PCTP: variants seen among roughly 807,000 people sequenced by gnomAD.
PCTP encodes the protein phosphatidylcholine transfer protein.
Under a neutral mutation model 31.0 loss-of-function variants are expected in PCTP, and 27 were observed. That is an observed-to-expected ratio of 0.87 (90% CI 0.64 to 1.20). The LOEUF (loss-of-function observed/expected upper bound fraction) is 1.20, where lower values mean the gene tolerates loss of function less well. PCTP is among the 50% of genes most tolerant of loss of function. PCTP has a pLI of 0.00. For synonymous variants in PCTP, 108 were observed against 101.2 expected (o/e 1.07, Z -0.40); for missense variants, 287 against 268.2 (o/e 1.07, Z -0.49).
chr17:55,840,431 A>G (rs1905937095), intron 5 of PCTP, among the ~76,000 whole-genome samples: 1 of 152,232 alleles, frequency 6.6e-6, no homozygotes, highest in Non-Finnish European at 1.5e-5. Context: ...CCATGTAGAT[A>G]ATTAATCCAA....
chr17:55,784,823 A>T (rs972664257), intron 2 of PCTP, among the ~76,000 whole-genome samples: 1 of 152,246 alleles, frequency 6.6e-6, no homozygotes, highest in Non-Finnish European at 1.5e-5. Flanking sequence ...ATTCCATATT[A>T]CTTACGATCT....
chr17:55,845,079 C>G (rs1420282170), downstream of PCTP, among the ~76,000 whole-genome samples: 1 of 75,484 alleles, frequency 1.3e-5, no homozygotes, highest in Non-Finnish European at 2.8e-5. Context: ...AAGGCCAAAA[C>G]TCCATCAAAA....
chr17:55,754,361 G>C (rs1909879109), intron 1 of PCTP, among the ~76,000 whole-genome samples: 1 of 152,168 alleles, frequency 6.6e-6, no homozygotes, highest in South Asian at 2.1e-4. Flanking sequence ...GGAAACACTT[G>C]CTTTCATTTA....
chr17:55,832,155 C>T (rs1300026667), intron 5 of PCTP, among the ~76,000 whole-genome samples: 1 of 152,174 alleles, frequency 6.6e-6, no homozygotes, highest in Non-Finnish European at 1.5e-5. Context: ...TCTCTCCTTT[C>T]TGCACACCAC....
chr17:55,824,059 C>T (rs113092702), downstream of PCTP, among the ~76,000 whole-genome samples: 5,983 of 152,204 alleles, frequency 0.039, 376 homozygotes, highest in African/African-American at 0.13. Flanking sequence ...GGACTAAGTT[C>T]GGGTGGTAGC....
chr17:55,796,126 G>A (rs2145015242), intron 3 of PCTP, among the ~76,000 whole-genome samples: 1 of 152,072 alleles, frequency 6.6e-6, no homozygotes, highest in Admixed American at 6.6e-5. Context: ...TTGGATTGCA[G>A]GAATGAGATA....
Position 55,814,386 on chromosome 17 carries a change from G to GA in PCTP, c.318-8369dup, listed in dbSNP as rs539033503. Among the ~76,000 whole-genome samples, 819 of 152,338 alleles carry GA rather than the reference G, an allele frequency of 5.4e-3. 3 individuals carry two copies. The highest frequency in any genetic ancestry group is 6.9e-3 in the Non-Finnish European group (468 of 68,022). ...TTTTCAATTTTAGGAGAACCAAGGT[G>GA]AAAAAATGCACTAACCAGCTGACAA... On this transcript the variant is annotated intron_variant, in intron 3 of 3. Coordinates refer to the PCTP transcript ENST00000572536.
chr17:55,810,769 G>T (rs1912727072), intron 3 of PCTP, among the ~76,000 whole-genome samples: 1 of 152,196 alleles, frequency 6.6e-6, no homozygotes, highest in African/African-American at 2.4e-5. Flanking sequence ...GGAAATTGGG[G>T]TTTAAAATTT....
chr17:55,768,505 A>C (rs949780861), intron 2 of PCTP, among the ~76,000 whole-genome samples: 3 of 152,194 alleles, frequency 2.0e-5, no homozygotes, highest in Non-Finnish European at 2.9e-5. Context: ...GCGTGAAGCA[A>C]TATGTTCAAT....
At chr17:55,804,924 T>G (rs1598008551) in intron 3 of PCTP, among the ~76,000 whole-genome samples, 1 of 152,036 alleles carries the variant, frequency 6.6e-6, no homozygotes, top group East Asian at 1.9e-4. Flanking sequence ...TAAGGTGAAA[T>G]TATTAATATG....
chr17:55,826,569 C>T (rs183193154), downstream of PCTP, among the ~76,000 whole-genome samples: 59 of 152,006 alleles, frequency 3.9e-4, no homozygotes, highest in Non-Finnish European at 8.4e-4. Context: ...GGATATAGTT[C>T]GGGATTTCTG....
downstream of PCTP, among the ~76,000 whole-genome samples, chr17:55,845,887 G>GGTGTGTGTGTGTGTGTGTGTGTGT (rs34179575): frequency 4.0e-4 from 57 of 143,064 alleles, no homozygotes; most frequent in South Asian, 2.7e-3. Context: ...AGAGGGTTGG[G>GGTGTGTGTGTGTGTGTGTGTGTGT]GTGTGTGTGT....
chr17:55,787,324 T>G (rs34530565), intron 2 of PCTP, among the ~76,000 whole-genome samples: 21,380 of 151,208 alleles, frequency 0.14, 1,553 homozygotes, highest in Middle Eastern at 0.19. Flanking sequence ...GTAGTAATAT[T>G]TTATATTTTT....
At chr17:55,820,623 G>C (rs1024890853) in intron 3 of PCTP, among the ~76,000 whole-genome samples, 1 of 152,122 alleles carries the variant, frequency 6.6e-6, no homozygotes, top group Non-Finnish European at 1.5e-5. Flanking sequence ...TATGAATTTT[G>C]AGGAAACACA....
rs1418228589 is a variant in PCTP at position 55,793,159 on chromosome 17, C to G, written c.317+5505C>G. Among the ~76,000 whole-genome samples the G allele has an allele frequency of 3.3e-5, 5 of 151,368 alleles. No individual in the cohort carries two copies. The East Asian group carries it at 9.6e-4, about 29-fold the overall frequency. ...TGTCTAGATTAATATTAAGAAGATG[C>G]TGGCCTCTGAGTCTTAGACCCTTTT... On this transcript the variant is annotated intron_variant, in intron 3 of 3. Coordinates refer to the PCTP transcript ENST00000572536.
intron 3 of PCTP, among the ~76,000 whole-genome samples, chr17:55,794,659 C>G (rs982690520): frequency 7.9e-5 from 12 of 151,974 alleles, no homozygotes; most frequent in African/African-American, 2.9e-4. Context: ...CAAAAACATT[C>G]AAGGTGGAAC....
rs888913243 is a variant in PCTP, at chr17:55,776,356, T to C, written c.*256T>C. The C allele has an allele frequency of 7.5e-7, 1 of 1,341,650 alleles. No homozygotes were observed. Among genetic ancestry groups the C allele is most frequent in the African/African-American group, 1.5e-5 (1 of 67,380 alleles). 83.1% of individuals were successfully genotyped at this position (1,341,650 alleles called of 1,614,324 possible). On this transcript the variant is annotated 3_prime_UTR_variant, in exon 6 of 6. Coordinates refer to ENST00000268896, the MANE Select transcript of PCTP (RefSeq NM_021213.4). ...TCCCCCCATCCTGGGCTGGGCTGCC[T>C]TCTTCTACAGTTCAATATGGGGCAG... is the stretch of plus-strand genomic sequence containing the variant.
At chr17:55,761,879 TGTCA>T (rs571775451) in intron 1 of PCTP, among the ~76,000 whole-genome samples, 1 of 152,196 alleles carries the variant, frequency 6.6e-6, no homozygotes, top group Non-Finnish European at 1.5e-5. Flanking sequence ...AGCACTATTC[TGTCA>T]GTCTACTTTT....
downstream of PCTP, among the ~76,000 whole-genome samples, chr17:55,844,635 A>G (rs985571478): frequency 2.6e-5 from 4 of 152,148 alleles, no homozygotes; most frequent in African/African-American, 9.7e-5. Flanking sequence ...TCTCCCTGAC[A>G]TTCCAGTATA....
Sources: gnomAD v4.1 joint callset for allele counts (sites outside exome capture counted in the v4.1 genomes callset) on GRCh38, gnomAD v4.1.1 for gene constraint, MANE v1.5 for transcripts, NCBI Gene and HGNC (gene_info 2026-07-23, HGNC 2026-07-21) for gene names.